Variants in ARHGEF6 observed in about 807,000 individuals in gnomAD.
ARHGEF6 encodes Rac/Cdc42 guanine nucleotide exchange factor 6, also known as rho guanine nucleotide exchange factor 6.
A neutral mutation model predicts 70.3 loss-of-function variants in ARHGEF6; 9 were observed. That is an observed-to-expected ratio of 0.13 (90% CI 0.08 to 0.22). ARHGEF6 has a LOEUF of 0.22. ARHGEF6 is among the 10% of genes least tolerant of loss of function. The pLI, the probability that ARHGEF6 is intolerant of heterozygous loss-of-function variation, is 1.00. For synonymous variants in ARHGEF6, 201 were observed against 207.8 expected, an observed-to-expected ratio of 0.97 and a Z score of 0.28; for missense variants, 470 against 563.0, an observed-to-expected ratio of 0.83 and a Z score of 1.67.
intron 5 of ARHGEF6, among the ~76,000 whole-genome samples, chrX:136,740,071 C>T (rs1268217970): frequency 2.7e-5 from 3 of 110,839 alleles, no homozygotes; most frequent in African/African-American, 3.3e-5. Flanking sequence ...TGCAGTGGCA[C>T]GATCTCAGCT....
chrX:136,757,472 C>T (rs1167040193), intron 2 of ARHGEF6, among the ~76,000 whole-genome samples: 1 of 112,000 alleles, frequency 8.9e-6, no homozygotes, highest in Non-Finnish European at 1.9e-5. Context: ...GCAGGCCCAT[C>T]GTTTCTCACC....
At chrX:136,776,356 A>G (rs1019953814) in intron 2 of ARHGEF6, among the ~76,000 whole-genome samples, 3 of 112,115 alleles carry the variant, frequency 2.7e-5, no homozygotes, top group Non-Finnish European at 5.6e-5. Context: ...TAAACCAATG[A>G]CACAGAATAG....
At chrX:136,738,865 A>G (rs1291924943) in intron 5 of ARHGEF6, among the ~76,000 whole-genome samples, 4 of 112,126 alleles carry the variant, frequency 3.6e-5, no homozygotes, top group Non-Finnish European at 7.5e-5. Flanking sequence ...TCAATAGTAT[A>G]TACTGCATCC....
intron 9 of ARHGEF6, among the ~76,000 whole-genome samples, chrX:136,692,747 A>G (rs963200051): frequency 8.9e-6 from 1 of 112,129 alleles, no homozygotes; most frequent in African/African-American, 3.2e-5. Flanking sequence ...GTCTGAAGCC[A>G]AAGCCTCAGG....
intron 3 of ARHGEF6, among the ~76,000 whole-genome samples, chrX:136,745,982 T>C (rs917110557): frequency 3.6e-5 from 4 of 112,293 alleles, no homozygotes; most frequent in Admixed American, 9.4e-5. Context: ...TTTCAGTTTG[T>C]TGAGAGTATA....
At position 136,668,089 on chromosome X, in the gene ARHGEF6, CAAA is replaced by C. The variant is rs781376034; in HGVS notation, c.2268_2270del (p.Leu757del). On this transcript the variant is annotated inframe_deletion, in exon 22 of 22. Transcript: ENST00000250617. ...CTCGAATACACTCATCTGTTTGCTT[CAAA>C]AGCCTCCGCACCAGCTTTTCTAGGT... The C allele has an allele frequency of 8.3e-7, 1 of 1,210,124 alleles. No homozygotes were observed. The highest frequency in any genetic ancestry group is 2.2e-5 in the Admixed American group (1 of 45,837).
chrX:136,748,261 T>C (rs1432285989), intron 2 of ARHGEF6, among the ~76,000 whole-genome samples: 1 of 111,966 alleles, frequency 8.9e-6, no homozygotes, highest in Non-Finnish European at 1.9e-5. Context: ...CCTGGGCCTA[T>C]GGGCTCTTCC....
rs758867797 is a variant in ARHGEF6, at chrX:136,668,131, C to G, written c.2229G>C (p.Leu743=). 71 of 1,209,827 alleles carry G rather than the reference C, an allele frequency of 5.9e-5. No homozygotes were observed. The highest frequency in any genetic ancestry group is 6.6e-5 in the Non-Finnish European group (59 of 895,050). Residue 743 remains leucine (L), a synonymous_variant, in exon 22 of 22, where the codon CTG becomes CTC. Transcript: ENST00000250617. ...GCTTTTCTAGGTCCCTTCTTGATTTCAGTTCTTCTTCCAGGCATTGCTTCA... is the reference window on the plus strand; with the variant it reads ...GCTTTTCTAGGTCCCTTCTTGATTTGAGTTCTTCTTCCAGGCATTGCTTCA... ...KRMKQCLEEE[L]KSRRDLEKLV...
rs772477076 is a variant in ARHGEF6 at position 136,676,616 on chromosome X, A to C, written c.1945+8T>G. 1 of 1,168,416 alleles carries C rather than the reference A, an allele frequency of 8.6e-7. No individual in the cohort carries two copies. The highest frequency in any genetic ancestry group is 1.8e-5 in the African/African-American group (1 of 56,450). ...ATAAACAACTTTCAGAAAGTACAAA[A>C]CACATACTTTTCCTAATCACATATT... On this transcript the variant is annotated splice_region_variant and intron_variant, in intron 18 of 21. Coordinates refer to ENST00000250617, the MANE Select transcript of ARHGEF6 (RefSeq NM_004840.3).
At position 136,727,678 on chromosome X, in the gene ARHGEF6, C is replaced by T. The variant is rs1038442598; in HGVS notation, c.732+4424G>A. Reference sequence around the variant, plus strand: ...TCTCCCAAGTAGCTGGGATTACAGGCCTAGGCCACCATGCCCAGCTAATTT... The same window carrying T: ...TCTCCCAAGTAGCTGGGATTACAGGTCTAGGCCACCATGCCCAGCTAATTT... On this transcript the variant is annotated intron_variant, in intron 6 of 21. Transcript: ENST00000250617. 7.3e-5 allele frequency among the ~76,000 whole-genome samples: 8 copies of T among 110,030 alleles called. No individual in the cohort carries two copies. The Admixed American group carries it at 7.8e-4, about 11-fold the overall frequency.
At chrX:136,744,601 T>C (rs1333061053) in intron 4 of ARHGEF6, among the ~76,000 whole-genome samples, 2 of 111,857 alleles carry the variant, frequency 1.8e-5, no homozygotes, top group African/African-American at 3.3e-5. Flanking sequence ...GCTCAAGTGC[T>C]TTGGAAGTAA....
intron 6 of ARHGEF6, 74 bp downstream of exon 6, chrX:136,732,028 A>G (rs1314056472): frequency 1.2e-6 from 1 of 816,371 alleles, no homozygotes; most frequent in Non-Finnish European, 1.8e-6. Context: ...TCACCTCAAC[A>G]CATCAATGGT....
intron 2 of ARHGEF6, among the ~76,000 whole-genome samples, chrX:136,765,670 T>C (rs1194949373): frequency 8.9e-6 from 1 of 112,821 alleles, no homozygotes; most frequent in Non-Finnish European, 1.9e-5. Flanking sequence ...TTGTATAAAA[T>C]GTCACATTTT....
intron 19 of ARHGEF6, among the ~76,000 whole-genome samples, chrX:136,672,768 G>T (rs1368231908): frequency 8.9e-6 from 1 of 112,038 alleles, no homozygotes; most frequent in Non-Finnish European, 1.9e-5. Flanking sequence ...ACAGGCATGG[G>T]GGCCCAACCA....
intron 14 of ARHGEF6, among the ~76,000 whole-genome samples, chrX:136,681,385 A>T (rs2076331818): frequency 8.9e-6 from 1 of 112,431 alleles, no homozygotes; most frequent in Non-Finnish European, 1.9e-5. Context: ...CATATAAATG[A>T]CACAGACCTG....
chrX:136,669,350 T>C, intron 21 of ARHGEF6, 132 bp downstream of exon 21: 1 of 558,257 alleles, frequency 1.8e-6, no homozygotes. Flanking sequence ...AAACCTACCT[T>C]GATGACACAA....
chrX:136,740,897 A>T (rs1415672269), intron 5 of ARHGEF6, among the ~76,000 whole-genome samples: 1 of 111,969 alleles, frequency 8.9e-6, no homozygotes, highest in African/African-American at 3.2e-5. Context: ...CAACAAAATT[A>T]TATCGATTGA....
intron 2 of ARHGEF6, among the ~76,000 whole-genome samples, chrX:136,761,928 C>T (rs1217024669): frequency 9.2e-6 from 1 of 108,736 alleles, no homozygotes; most frequent in East Asian, 2.8e-4. Context: ...TTTTTTGAAA[C>T]GGAGTTTCGC....
chrX:136,676,333 A>G (rs972257447), intron 18 of ARHGEF6, among the ~76,000 whole-genome samples: 3 of 112,220 alleles, frequency 2.7e-5, no homozygotes, highest in Non-Finnish European at 5.6e-5. Flanking sequence ...GAAAAAATGT[A>G]TCCATAGGAA....
Sources: allele counts gnomAD v4.1 joint callset (sites outside exome capture counted in the v4.1 genomes callset), GRCh38; gene constraint gnomAD v4.1.1; transcripts MANE v1.5; gene names NCBI Gene and HGNC (gene_info 2026-07-23, HGNC 2026-07-21).